The following B3GALT1 variants were observed in gnomAD, a reference collection of about 807,000 sequenced individuals.
The protein encoded by B3GALT1 is UDP-Gal:betaGlcNAc beta 1,3-galactosyltransferase, polypeptide 1.
A neutral mutation model predicts 23.2 loss-of-function variants in B3GALT1; 10 were observed. The ratio of observed to expected loss-of-function variants is 0.43; its 90% CI spans 0.27 to 0.73. B3GALT1 has a LOEUF of 0.73. Among genes scored for constraint, B3GALT1 ranks in the 30% least tolerant of loss-of-function variants. The pLI, the probability that B3GALT1 is intolerant of heterozygous loss-of-function variation, is 0.21. For missense variants in B3GALT1, 299 were observed against 405.4 expected, an observed-to-expected ratio of 0.74 and a Z score of 2.25; for synonymous variants, 156 against 141.5, an observed-to-expected ratio of 1.10 and a Z score of -0.73.
chr2:167,811,955 G>A (rs1158894585), intron 3 of B3GALT1, among the ~76,000 whole-genome samples: 9 of 152,186 alleles, frequency 5.9e-5, no homozygotes, highest in Admixed American at 5.9e-4. Flanking sequence ...TTGTTTTGCT[G>A]TTTTTCAGTG....
chr2:167,374,839 T>C (rs1348062233), intron 1 of B3GALT1, among the ~76,000 whole-genome samples: 1 of 152,024 alleles, frequency 6.6e-6, no homozygotes, highest in Non-Finnish European at 1.5e-5. Context: ...AGGAGCACTT[T>C]AGTTTAATTA....
intron 3 of B3GALT1, among the ~76,000 whole-genome samples, chr2:167,740,260 TA>T (rs1687559313): frequency 6.6e-6 from 1 of 152,064 alleles, no homozygotes; most frequent in African/African-American, 2.4e-5. Flanking sequence ...ACAGTGAAGG[TA>T]GATGGTACCT....
At chr2:167,719,203 A>T (rs753915933) in intron 3 of B3GALT1, among the ~76,000 whole-genome samples, 29 of 152,212 alleles carry the variant, frequency 1.9e-4, no homozygotes, top group Non-Finnish European at 4.0e-4. Context: ...CTTCATGACT[A>T]TAATTTTCTT....
intron 2 of B3GALT1, among the ~76,000 whole-genome samples, chr2:167,643,134 T>G (rs907650505): frequency 2.6e-5 from 4 of 152,176 alleles, no homozygotes; most frequent in Non-Finnish European, 5.9e-5. Context: ...AAGATAAGCT[T>G]TGTGCACATA....
intron 1 of B3GALT1, among the ~76,000 whole-genome samples, chr2:167,379,045 T>C (rs1349546500): frequency 6.6e-6 from 1 of 152,176 alleles, no homozygotes. Context: ...TACCCAAGAC[T>C]GAATAATTTA....
intron 3 of B3GALT1, among the ~76,000 whole-genome samples, chr2:167,757,857 A>G (rs1161763632): frequency 6.6e-6 from 1 of 152,174 alleles, no homozygotes; most frequent in African/African-American, 2.4e-5. Flanking sequence ...GGAAAAGAGC[A>G]AATTCCACAG....
intron 2 of B3GALT1, among the ~76,000 whole-genome samples, chr2:167,615,339 A>G (rs1461888743): frequency 6.6e-6 from 1 of 152,034 alleles, no homozygotes; most frequent in Non-Finnish European, 1.5e-5. Context: ...AATCGGATTC[A>G]TAGAAACAAA....
At chr2:167,810,136 G>C (rs1333743359) in intron 3 of B3GALT1, among the ~76,000 whole-genome samples, 1 of 151,062 alleles carries the variant, frequency 6.6e-6, no homozygotes, top group Non-Finnish European at 1.5e-5. Flanking sequence ...ATTGGAAAAG[G>C]ACAGTATTAG....
intron 3 of B3GALT1, among the ~76,000 whole-genome samples, chr2:167,774,491 T>TTG (rs1197505847): frequency 8.6e-5 from 7 of 80,964 alleles, no homozygotes; most frequent in African/African-American, 1.2e-4. Context: ...TTTTGTTTTT[T>TTG]TTTTTGTTTT....
intron 1 of B3GALT1, among the ~76,000 whole-genome samples, chr2:167,450,560 TCTG>T (rs1352029917): frequency 2.0e-5 from 3 of 152,182 alleles, no homozygotes; most frequent in Non-Finnish European, 4.4e-5. Flanking sequence ...TGCTGAGAAA[TCTG>T]CTGTTAATCT....
At position 167,417,459 on chromosome 2, in the gene B3GALT1, AT is replaced by A. The variant is rs1177193471; in HGVS notation, c.-510-72712del. Among the ~76,000 whole-genome samples the A allele has an allele frequency of 2.6e-5, 4 of 152,220 alleles. No individual in the cohort carries two copies. In the East Asian group the frequency reaches 7.7e-4, roughly 29 times the overall value. On this transcript the variant is annotated intron_variant, in intron 1 of 4. Coordinates refer to ENST00000392690, the MANE Select transcript of B3GALT1 (RefSeq NM_020981.4). ...TCAGGCTCCGTAACTGTAAGAAATA[AT>A]TTTTTGTTTGTTTTTCCTAATTACT...
intron 1 of B3GALT1, among the ~76,000 whole-genome samples, chr2:167,412,109 G>A (rs1698400616): frequency 8.6e-6 from 1 of 116,258 alleles, no homozygotes; most frequent in African/African-American, 3.0e-5. Flanking sequence ...CCACAAAAAG[G>A]TAATTAAATG....
chr2:167,699,838 G>C (rs1686850670), intron 3 of B3GALT1, among the ~76,000 whole-genome samples: 1 of 152,020 alleles, frequency 6.6e-6, no homozygotes, highest in South Asian at 2.1e-4. Context: ...TCAGCCTACT[G>C]AGTAGTTGGG....
chr2:167,412,036 A>G (rs908484581), intron 1 of B3GALT1, among the ~76,000 whole-genome samples: 6 of 152,134 alleles, frequency 3.9e-5, no homozygotes, highest in African/African-American at 2.4e-5. Context: ...GGTGGTTACC[A>G]GAGGTCAGGA....
chr2:167,566,755 G>C (rs1003542260), intron 2 of B3GALT1, among the ~76,000 whole-genome samples: 2 of 152,122 alleles, frequency 1.3e-5, no homozygotes, highest in Non-Finnish European at 2.9e-5. Context: ...AAGTGCAAAA[G>C]GGTGGTAATT....
At chr2:167,720,372 C>T (rs1261758120) in intron 3 of B3GALT1, among the ~76,000 whole-genome samples, 1 of 152,174 alleles carries the variant, frequency 6.6e-6, no homozygotes, top group Non-Finnish European at 1.5e-5. Flanking sequence ...CATTATCTGT[C>T]TGCTTCACCT....
intron 3 of B3GALT1, among the ~76,000 whole-genome samples, chr2:167,770,329 G>A (rs1454303139): frequency 6.6e-6 from 1 of 152,090 alleles, no homozygotes; most frequent in Non-Finnish European, 1.5e-5. Context: ...ATATCATTGT[G>A]GTTTTAATTT....
intron 4 of B3GALT1, among the ~76,000 whole-genome samples, chr2:167,863,603 C>T (rs1690148479): frequency 6.6e-6 from 1 of 152,224 alleles, no homozygotes. Flanking sequence ...TTACCAACTA[C>T]TTTATCCAAC....
intron 4 of B3GALT1, among the ~76,000 whole-genome samples, chr2:167,836,694 T>G (rs1202317499): frequency 6.6e-6 from 1 of 151,998 alleles, no homozygotes; most frequent in Non-Finnish European, 1.5e-5. Context: ...AAGATAATCC[T>G]CAAGAAGAGC....
Sources: allele counts gnomAD v4.1 joint callset (sites outside exome capture counted in the v4.1 genomes callset), GRCh38; gene constraint gnomAD v4.1.1; transcripts MANE v1.5; gene names NCBI Gene and HGNC (gene_info 2026-07-23, HGNC 2026-07-21).